The following SLC8A1 variants were observed in gnomAD, a reference collection of about 807,000 sequenced individuals.
The protein encoded by SLC8A1 is solute carrier family 8 member A1, also known as sodium/calcium exchanger 1.
A neutral mutation model predicts 68.3 loss-of-function variants in SLC8A1; 18 were observed. The observed-to-expected ratio is 0.26, with a 90% CI of 0.18 to 0.39. The LOEUF (loss-of-function observed/expected upper bound fraction) is 0.39. SLC8A1 is among the 10% of genes least tolerant of loss of function. The pLI is 1.00. For synonymous variants in SLC8A1, 475 were observed against 415.5 expected (o/e 1.14, Z -1.74); for missense variants, 985 against 1,156.7 (o/e 0.85, Z 2.15).
intron 2 of SLC8A1, among the ~76,000 whole-genome samples, chr2:40,363,086 A>G (rs1032343572): frequency 2.1e-4 from 32 of 151,906 alleles, no homozygotes; most frequent in African/African-American, 7.3e-4. Flanking sequence ...ACAGCTTACA[A>G]CTCTTTTGTA....
At chr2:40,217,013 T>C (rs975435654) in intron 2 of SLC8A1, among the ~76,000 whole-genome samples, 4 of 152,226 alleles carry the variant, frequency 2.6e-5, no homozygotes, top group Non-Finnish European at 4.4e-5. Context: ...TTGGATCCCA[T>C]TTCTCAATTT....
At chr2:40,343,478 C>G (rs922353359) in intron 2 of SLC8A1, among the ~76,000 whole-genome samples, 1 of 152,182 alleles carries the variant, frequency 6.6e-6, no homozygotes, top group South Asian at 2.1e-4. Context: ...ATTTACTTAG[C>G]ACTTACTATT....
At chr2:40,217,890 T>C (rs193160521) in intron 2 of SLC8A1, among the ~76,000 whole-genome samples, 13 of 152,288 alleles carry the variant, frequency 8.5e-5, no homozygotes, top group Admixed American at 3.3e-4. Flanking sequence ...AGTAACCATA[T>C]ACTTCTCTTA....
intron 2 of SLC8A1, among the ~76,000 whole-genome samples, chr2:40,222,439 G>C (rs2058455344): frequency 6.6e-6 from 1 of 152,098 alleles, no homozygotes; most frequent in Admixed American, 6.5e-5. Context: ...GAAAACCTAG[G>C]CAATACCATT....
intron 2 of SLC8A1, among the ~76,000 whole-genome samples, chr2:40,217,772 A>G (rs1393678832): frequency 6.6e-6 from 1 of 152,230 alleles, no homozygotes; most frequent in African/African-American, 2.4e-5. Flanking sequence ...CACAACATTG[A>G]CACACATAAT....
At chr2:40,447,945 A>G (rs1287630894) in intron 1 of SLC8A1, among the ~76,000 whole-genome samples, 13 of 152,196 alleles carry the variant, frequency 8.5e-5, no homozygotes, top group Admixed American at 7.9e-4. Flanking sequence ...TGGAAATGTG[A>G]TTCACTTAAA....
chr2:40,480,802 T>C (rs1576642407), intron 1 of SLC8A1, among the ~76,000 whole-genome samples: 1 of 152,080 alleles, frequency 6.6e-6, no homozygotes, highest in African/African-American at 2.4e-5. Context: ...TGCTACAAGA[T>C]GAAGACCACG....
intron 1 of SLC8A1, among the ~76,000 whole-genome samples, chr2:40,476,095 A>G (rs1478296317): frequency 1.3e-5 from 2 of 152,176 alleles, no homozygotes; most frequent in African/African-American, 4.8e-5. Context: ...AAGCATTTTG[A>G]GGTTAGTTGT....
At chr2:40,258,906 G>C (rs2064310171) in intron 2 of SLC8A1, among the ~76,000 whole-genome samples, 1 of 150,520 alleles carries the variant, frequency 6.6e-6, no homozygotes, top group East Asian at 1.9e-4. Context: ...TCCCCCAATG[G>C]TTGTAATTGA....
chr2:40,476,330 C>T (rs1704296566), intron 1 of SLC8A1, among the ~76,000 whole-genome samples: 1 of 152,088 alleles, frequency 6.6e-6, no homozygotes, highest in African/African-American at 2.4e-5. Flanking sequence ...TGCTGGATAT[C>T]AGGCATTCTT....
chr2:40,215,614 G>A (rs1003849006), intron 2 of SLC8A1, among the ~76,000 whole-genome samples: 11 of 144,052 alleles, frequency 7.6e-5, no homozygotes, highest in South Asian at 2.2e-4. Context: ...TCCGCAGTCC[G>A]GCCTGGGCGA....
intron 2 of SLC8A1, among the ~76,000 whole-genome samples, chr2:40,288,424 G>A (rs896885112): frequency 3.3e-5 from 5 of 152,148 alleles, no homozygotes; most frequent in Non-Finnish European, 7.4e-5. Flanking sequence ...TGGCTTCAGT[G>A]CAACCTCATC....
At chr2:40,101,712 T>A (rs1007193478) in exon 8 of SLC8A1, 2 of 152,122 alleles carry the variant, frequency 1.3e-5, no homozygotes, top group Non-Finnish European at 2.9e-5. Context: ...AAAGCATAAT[T>A]AAGCAGTGGG....
intron 2 of SLC8A1, among the ~76,000 whole-genome samples, chr2:40,186,332 C>T (rs986704468): frequency 1.3e-5 from 2 of 151,940 alleles, no homozygotes; most frequent in Non-Finnish European, 2.9e-5. Flanking sequence ...CTTTGTATCA[C>T]TTGGTTTAAA....
chr2:40,316,821 G>A (rs1038964616), intron 2 of SLC8A1, among the ~76,000 whole-genome samples: 1 of 151,934 alleles, frequency 6.6e-6, no homozygotes, highest in Non-Finnish European at 1.5e-5. Flanking sequence ...GCATCTCAGA[G>A]TGCCCAACAT....
At chr2:40,335,260 G>C (rs1447749027) in intron 2 of SLC8A1, among the ~76,000 whole-genome samples, 1 of 152,152 alleles carries the variant, frequency 6.6e-6, no homozygotes. Flanking sequence ...GCAAATAGAT[G>C]TATGCCCATA....
chr2:40,445,232 ATT>A (rs151335723), intron 1 of SLC8A1, among the ~76,000 whole-genome samples: 1 of 152,344 alleles, frequency 6.6e-6, no homozygotes, highest in African/African-American at 2.4e-5. Flanking sequence ...CATCTTTTGA[ATT>A]CAAACGAATG....
At position 40,122,534 on chromosome 2, in the gene SLC8A1, T is replaced by G. The variant is rs542629617; in HGVS notation, c.2438-6905A>C. Among the ~76,000 whole-genome samples the G allele has an allele frequency of 3.3e-5, 5 of 152,324 alleles. No homozygotes were observed. In the South Asian group the frequency reaches 1.0e-3, roughly 32 times the overall value. Reference sequence around the variant, plus strand: ...TCAGGGCACCTGCTTCTAGTCACTTTTGTCCCCAGCTACAAATGAGAGTCA... The same window carrying G: ...TCAGGGCACCTGCTTCTAGTCACTTGTGTCCCCAGCTACAAATGAGAGTCA... On this transcript the variant is annotated intron_variant, in intron 7 of 7. Coordinates refer to ENST00000406785, the Ensembl canonical transcript of SLC8A1.
chr2:40,479,102 C>T (rs994750697), intron 1 of SLC8A1, among the ~76,000 whole-genome samples: 2 of 152,244 alleles, frequency 1.3e-5, no homozygotes, highest in African/African-American at 2.4e-5. Flanking sequence ...TTCAGGAGAA[C>T]GTATAAATTT....
Sources: gnomAD v4.1 joint callset for allele counts (sites outside exome capture counted in the v4.1 genomes callset) on GRCh38, gnomAD v4.1.1 for gene constraint, MANE v1.5 for transcripts, NCBI Gene and HGNC (gene_info 2026-07-23, HGNC 2026-07-21) for gene names.